The following CA10 variants were observed in gnomAD, a reference collection of about 807,000 sequenced individuals.
The protein encoded by CA10 is carbonic anhydrase-related protein 10.
In CA10, 14 loss-of-function variants were observed where a neutral mutation model predicts 44.2. The ratio of observed to expected loss-of-function variants is 0.32; its 90% confidence interval spans 0.21 to 0.50. The LOEUF (loss-of-function observed/expected upper bound fraction) is 0.50. Ranked by LOEUF, CA10 falls within the 20% of genes least tolerant of loss-of-function variation. The pLI is 0.99. For missense variants in CA10, 350 were observed against 409.7 expected (o/e 0.85, Z 1.26); for synonymous variants, 159 against 141.6 (o/e 1.12, Z -0.87).
chr17:51,934,005 TC>T (rs1365342546), intron 2 of CA10, among the ~76,000 whole-genome samples: 2 of 152,044 alleles, frequency 1.3e-5, no homozygotes, highest in Non-Finnish European at 2.9e-5. Context: ...GGGTTTTATA[TC>T]CCCACTTCAC....
intron 3 of CA10, among the ~76,000 whole-genome samples, chr17:51,904,061 G>A (rs750413365): frequency 3.3e-5 from 5 of 151,614 alleles, no homozygotes; most frequent in Non-Finnish European, 7.4e-5. Flanking sequence ...TGTTTATCTG[G>A]TATGCATCAC....
chr17:51,714,053 G>A (rs116459148), intron 4 of CA10, among the ~76,000 whole-genome samples: 139 of 152,240 alleles, frequency 9.1e-4, no homozygotes, highest in African/African-American at 3.0e-3. Context: ...GTGCCCCTAA[G>A]GAGAGAAAGG....
intron 4 of CA10, among the ~76,000 whole-genome samples, chr17:51,700,916 G>A (rs1385342144): frequency 1.3e-5 from 2 of 151,978 alleles, no homozygotes; most frequent in African/African-American, 2.4e-5. Flanking sequence ...GGGGCCTATG[G>A]GGGTAGGAGT....
At chr17:51,770,799 T>G (rs59065024) in intron 3 of CA10, among the ~76,000 whole-genome samples, 1,873 of 151,882 alleles carry the variant, frequency 0.012, 35 homozygotes, top group African/African-American at 0.042. Context: ...AAGAGAGAGA[T>G]AGTGGTGGGG....
In CA10 at chr17:51,635,706, C is replaced by T. The variant is rs117987993; in HGVS notation, c.789+149G>A. Reference sequence around the variant, plus strand: ...ACTTCTAGTCTCCAGAACTGTGAGGCGATAAGTTTGTGTTAGTTTAAACTA... The same window carrying T: ...ACTTCTAGTCTCCAGAACTGTGAGGTGATAAGTTTGTGTTAGTTTAAACTA... On this transcript the variant is annotated intron_variant, in intron 7 of 8. Coordinates refer to ENST00000451037, the MANE Select transcript of CA10 (RefSeq NM_020178.5). The T allele has an allele frequency of 1.8e-3, 910 of 505,702 alleles. 2 individuals carry two copies. The highest frequency in any genetic ancestry group is 2.1e-3 in the Non-Finnish European group (619 of 293,618). The allele number at this position is 505,702 out of a possible 1,614,324, so 31.3% of individuals were successfully genotyped here. A position where few individuals can be genotyped will look rare whatever the true frequency, so the allele number is the denominator to read the frequency against.
chr17:51,743,002 A>C (rs1904522663), intron 4 of CA10, among the ~76,000 whole-genome samples: 1 of 152,236 alleles, frequency 6.6e-6, no homozygotes, highest in African/African-American at 2.4e-5. Context: ...TAGACTTTAC[A>C]CATCTGTGGG....
At position 51,949,645 on chromosome 17, in the gene CA10, T is replaced by C. The variant is rs1223763547; in HGVS notation, c.137-18513A>G. Among the ~76,000 whole-genome samples, 31 of 152,150 alleles carry C rather than the reference T, an allele frequency of 2.0e-4. 2 individuals are homozygous for C. Among genetic ancestry groups the C allele is most frequent in the Admixed American group, 2.0e-3 (31 of 15,278 alleles). ...TTTAGCGTGTAAGCCAACGCAGAACTCCTTATTAAGACAGTTGGCCCTCAG... is the reference window on the plus strand; with the variant it reads ...TTTAGCGTGTAAGCCAACGCAGAACCCCTTATTAAGACAGTTGGCCCTCAG... On this transcript the variant is annotated intron_variant, in intron 2 of 8. Coordinates refer to ENST00000451037, the MANE Select transcript of CA10 (RefSeq NM_020178.5).
chr17:52,150,406 T>C (rs907843891), intron 1 of CA10, among the ~76,000 whole-genome samples: 2 of 152,214 alleles, frequency 1.3e-5, no homozygotes, highest in Non-Finnish European at 2.9e-5. Flanking sequence ...AGTCTTTTAC[T>C]AGATGAAGAA....
intron 2 of CA10, among the ~76,000 whole-genome samples, chr17:52,025,995 A>AAT (rs780624011): frequency 3.9e-5 from 6 of 151,998 alleles, no homozygotes; most frequent in Non-Finnish European, 7.4e-5. Flanking sequence ...ATTACATATA[A>AAT]ATATATATAT....
intron 2 of CA10, among the ~76,000 whole-genome samples, chr17:51,963,419 A>C (rs1426781039): frequency 1.3e-5 from 2 of 152,154 alleles, no homozygotes; most frequent in Non-Finnish European, 2.9e-5. Flanking sequence ...TCCAGAGAAC[A>C]CTTGCAGTAT....
At chr17:51,963,756 C>G (rs1404627272) in intron 2 of CA10, among the ~76,000 whole-genome samples, 2 of 152,008 alleles carry the variant, frequency 1.3e-5, no homozygotes, top group East Asian at 3.9e-4. Context: ...TACAAGAGAC[C>G]CTTAAGGGAA....
intron 2 of CA10, among the ~76,000 whole-genome samples, chr17:52,054,909 G>A (rs771783248): frequency 3.3e-5 from 5 of 152,084 alleles, no homozygotes; most frequent in Admixed American, 6.6e-5. Flanking sequence ...ATTTTTCTAG[G>A]AAGTGACTTG....
intron 3 of CA10, among the ~76,000 whole-genome samples, chr17:51,798,247 G>A (rs934369719): frequency 1.1e-4 from 16 of 152,154 alleles, no homozygotes; most frequent in Admixed American, 2.0e-4. Flanking sequence ...AGAAGCTCAG[G>A]TTCCTTCTAC....
chr17:51,770,193 G>A (rs1905548192), intron 3 of CA10, among the ~76,000 whole-genome samples: 1 of 150,924 alleles, frequency 6.6e-6, no homozygotes, highest in Non-Finnish European at 1.5e-5. Context: ...CACAGTAGCT[G>A]CACATTGTAA....
intron 4 of CA10, among the ~76,000 whole-genome samples, chr17:51,698,633 G>A (rs1567807928): frequency 6.6e-6 from 1 of 152,080 alleles, no homozygotes; most frequent in East Asian, 1.9e-4. Flanking sequence ...ATTGTTAACT[G>A]TTGTCACTTA....
At chr17:52,021,119 A>T (rs1986127404) in intron 2 of CA10, among the ~76,000 whole-genome samples, 1 of 152,056 alleles carries the variant, frequency 6.6e-6, no homozygotes, top group Non-Finnish European at 1.5e-5. Context: ...CTAAAATAAA[A>T]GTTGAATAAA....
At position 51,695,957 on chromosome 17, in the gene CA10, T is replaced by C. The variant is rs554870451; in HGVS notation, c.466-42221A>G. On this transcript the variant is annotated intron_variant, in intron 4 of 8. Transcript: ENST00000451037. ...TTTGTTTTTAATTCTGTTTATGTGG[T>C]GAATCACATCTATTGATTCATATAT... 8.7e-4 allele frequency among the ~76,000 whole-genome samples: 133 copies of C among 152,332 alleles called. 1 individual carries two copies. The highest frequency in any genetic ancestry group is 8.5e-3 in the Admixed American group (130 of 15,298).
chr17:51,899,149 G>A (rs547621544), intron 3 of CA10, among the ~76,000 whole-genome samples: 6 of 152,040 alleles, frequency 3.9e-5, no homozygotes, highest in African/African-American at 1.4e-4. Context: ...GTTAATTTGA[G>A]ACCTTTCTAA....
intron 4 of CA10, among the ~76,000 whole-genome samples, chr17:51,721,192 C>T (rs1457156906): frequency 6.6e-6 from 1 of 151,986 alleles, no homozygotes; most frequent in African/African-American, 2.4e-5. Context: ...ATTAGCCTGG[C>T]ATGGTGGCGC....
Sources: allele counts gnomAD v4.1 joint callset (sites outside exome capture counted in the v4.1 genomes callset), GRCh38; gene constraint gnomAD v4.1.1; transcripts MANE v1.5; gene names NCBI Gene and HGNC (gene_info 2026-07-23, HGNC 2026-07-21).